Variants in KSR2 observed in about 807,000 individuals in gnomAD.
The protein encoded by KSR2 is kinase suppressor of ras 2.
Under a neutral mutation model 107.8 loss-of-function variants are expected in KSR2, and 25 were observed. The observed-to-expected ratio is 0.23, with a 90% confidence interval of 0.17 to 0.32. KSR2 has a LOEUF of 0.32. Among genes scored for constraint, KSR2 ranks in the 10% least tolerant of loss-of-function variants. The probability of loss-of-function intolerance (pLI) is 1.00; values close to 1 mark genes in which losing one functional copy is unlikely to be tolerated. For synonymous variants in KSR2, 480 were observed against 507.0 expected, an observed-to-expected ratio of 0.95 and a Z score of 0.71; for missense variants, 887 against 1,268.9, an observed-to-expected ratio of 0.70 and a Z score of 4.57.
Position 117,926,910 on chromosome 12 carries a change from C to T in KSR2, c.180+41166G>A, listed in dbSNP as rs187475935. ...GGAATTACTTGATCTCTCTGTGCCTCGGTTTTGTCATTTGTCAAATGTGAT... is the reference window on the plus strand; with the variant it reads ...GGAATTACTTGATCTCTCTGTGCCTTGGTTTTGTCATTTGTCAAATGTGAT... On this transcript the variant is annotated intron_variant, in intron 1 of 19. Coordinates refer to ENST00000339824, the MANE Select transcript of KSR2 (RefSeq NM_173598.6). Among the ~76,000 whole-genome samples the T allele has an allele frequency of 7.9e-5, 12 of 152,220 alleles. No individual in the cohort carries two copies. The East Asian group carries it at 1.5e-3, about 20-fold the overall frequency.
At chr12:117,803,652 G>A (rs997489296) in intron 3 of KSR2, among the ~76,000 whole-genome samples, 2 of 152,048 alleles carry the variant, frequency 1.3e-5, no homozygotes, top group Admixed American at 6.5e-5. Flanking sequence ...GCAATGAGCC[G>A]AGATCGCACC....
intron 4 of KSR2, among the ~76,000 whole-genome samples, chr12:117,735,845 A>G (rs1027402771): frequency 1.3e-5 from 2 of 152,176 alleles, no homozygotes; most frequent in South Asian, 2.1e-4. Context: ...ATCTTCTAAG[A>G]TACATCCCCA....
intron 1 of KSR2, among the ~76,000 whole-genome samples, chr12:117,928,933 C>A (rs1303437579): frequency 6.6e-6 from 1 of 152,150 alleles, no homozygotes; most frequent in African/African-American, 2.4e-5. Context: ...GACTTCAATG[C>A]CAACCTTTCC....
At chr12:117,523,447 C>A (rs1226658911) in intron 14 of KSR2, among the ~76,000 whole-genome samples, 1 of 152,194 alleles carries the variant, frequency 6.6e-6, no homozygotes, top group Admixed American at 6.5e-5. Flanking sequence ...AGTTTAAAAA[C>A]AAACCAAAGG....
intron 1 of KSR2, among the ~76,000 whole-genome samples, chr12:117,965,504 C>T (rs945375737): frequency 6.6e-6 from 1 of 152,150 alleles, no homozygotes; most frequent in Non-Finnish European, 1.5e-5. Flanking sequence ...TTCCTGAAGG[C>T]CAAGTCCACC....
chr12:117,847,688 G>A (rs989838265), intron 3 of KSR2, among the ~76,000 whole-genome samples: 2 of 152,208 alleles, frequency 1.3e-5, no homozygotes, highest in African/African-American at 4.8e-5. Context: ...GGCCCACCGT[G>A]GGGGCTGGCC....
At position 117,514,628 on chromosome 12, in the gene KSR2, A is replaced by G. The variant is rs958401053; in HGVS notation, c.2219+10224T>C. On this transcript the variant is annotated intron_variant, in intron 14 of 19. Coordinates refer to ENST00000339824, the MANE Select transcript of KSR2 (RefSeq NM_173598.6). ...GGTATGATCATGGCTTTCTCACTGC[A>G]GCCTCAGTCTCCCAGGCTCAAGCAA... Among the ~76,000 whole-genome samples the G allele has an allele frequency of 2.7e-5, 4 of 147,076 alleles. No homozygotes were observed. The Admixed American group carries it at 2.8e-4, about 10-fold the overall frequency.
chr12:117,639,258 C>T, intron 5 of KSR2, among the ~76,000 whole-genome samples: 1 of 151,882 alleles, frequency 6.6e-6, no homozygotes, highest in East Asian at 1.9e-4. Flanking sequence ...AGATTATAAA[C>T]ATATACATAT....
At chr12:117,554,555 C>T (rs1156470535) in intron 9 of KSR2, among the ~76,000 whole-genome samples, 2 of 152,138 alleles carry the variant, frequency 1.3e-5, no homozygotes, top group African/African-American at 2.4e-5. Flanking sequence ...ATGGGAGGGG[C>T]CCAGTGGGAG....
intron 3 of KSR2, among the ~76,000 whole-genome samples, chr12:117,799,330 C>A (rs1446055146): frequency 6.6e-6 from 1 of 151,934 alleles, no homozygotes; most frequent in Admixed American, 6.6e-5. Context: ...GGTGAAACCC[C>A]GTCTCTACTA....
intron 9 of KSR2, among the ~76,000 whole-genome samples, chr12:117,550,910 G>C (rs769546637): frequency 6.6e-6 from 1 of 152,148 alleles, no homozygotes; most frequent in African/African-American, 2.4e-5. Context: ...GAGGCCCAGC[G>C]CCTAAATGAT....
At chr12:117,734,741 C>A (rs886624860) in intron 4 of KSR2, among the ~76,000 whole-genome samples, 1 of 37,480 alleles carries the variant, frequency 2.7e-5, no homozygotes, top group East Asian at 7.3e-4. Flanking sequence ...CGCATGCATG[C>A]ATGCATGCAT....
In KSR2 at chr12:117,937,805, C is replaced by CAA. The variant is rs148311682; in HGVS notation, c.180+30269_180+30270dup. Among the ~76,000 whole-genome samples, 791 of 121,292 alleles carry CAA rather than the reference C, an allele frequency of 6.5e-3. 8 individuals carry two copies. The highest frequency in any genetic ancestry group is 0.022 in the African/African-American group (716 of 32,234). The allele number at this position is 121,292 out of a possible 152,430, so 79.6% of individuals were successfully genotyped here. ...GAAACCCCCATCTCTACTAAAAATACAAAAAAAAAAAAAAATTAGCCAGGC... is the reference window on the plus strand; with the variant it reads ...GAAACCCCCATCTCTACTAAAAATACAAAAAAAAAAAAAAAAATTAGCCAGGC... On this transcript the variant is annotated intron_variant, in intron 1 of 19. Transcript: ENST00000339824.
intron 1 of KSR2, among the ~76,000 whole-genome samples, chr12:117,903,350 G>A (rs1894745649): frequency 6.6e-6 from 1 of 152,198 alleles, no homozygotes; most frequent in African/African-American, 2.4e-5. Context: ...GACAAATAGG[G>A]TATGGCCATT....
At chr12:117,485,559 T>G in intron 15 of KSR2, 36 bp downstream of exon 15, 323 of 1,513,022 alleles carry the variant, frequency 2.1e-4, no homozygotes, top group Non-Finnish European at 2.7e-4. Flanking sequence ...TGGGTCTTTC[T>G]GAGATTTAGA....
intron 1 of KSR2, among the ~76,000 whole-genome samples, chr12:117,862,005 T>C (rs1655221848): frequency 6.6e-6 from 1 of 151,902 alleles, no homozygotes; most frequent in Admixed American, 6.5e-5. Flanking sequence ...AAGTATTTCT[T>C]TATATACATT....
chr12:117,876,312 C>CT (rs879568542), intron 1 of KSR2, among the ~76,000 whole-genome samples: 6 of 152,330 alleles, frequency 3.9e-5, no homozygotes, highest in Admixed American at 2.0e-4. Context: ...TGAGGGAGGG[C>CT]TGGAGGCCTG....
At chr12:117,508,938 G>A (rs1873866457) in intron 14 of KSR2, among the ~76,000 whole-genome samples, 2 of 150,872 alleles carry the variant, frequency 1.3e-5, no homozygotes, top group Admixed American at 6.6e-5. Context: ...GGGTGGATGG[G>A]ATGGATGAGT....
At chr12:117,903,120 G>C (rs1339320703) in intron 1 of KSR2, among the ~76,000 whole-genome samples, 2 of 152,226 alleles carry the variant, frequency 1.3e-5, no homozygotes, top group East Asian at 1.9e-4. Flanking sequence ...TAGTTATAAA[G>C]TTATTTCCAT....
Sources: gnomAD v4.1 joint callset for allele counts (sites outside exome capture counted in the v4.1 genomes callset) on GRCh38, gnomAD v4.1.1 for gene constraint, MANE v1.5 for transcripts, NCBI Gene and HGNC (gene_info 2026-07-23, HGNC 2026-07-21) for gene names.